Variants in FGF12 observed in about 807,000 individuals in gnomAD.
FGF12 encodes fibroblast growth factor 12.
FGF12 carries 14 observed loss-of-function variants against 23.6 expected under a neutral mutation model. The observed-to-expected ratio is 0.59, with a 90% CI of 0.39 to 0.93. The LOEUF (loss-of-function observed/expected upper bound fraction) is 0.93, where lower values mean the gene tolerates loss of function less well. Among genes scored for constraint, FGF12 ranks in the 40% least tolerant of loss-of-function variants. FGF12 has a pLI of 0.00. For missense variants in FGF12, 175 were observed against 217.8 expected, an observed-to-expected ratio of 0.80 and a Z score of 1.24; for synonymous variants, 62 against 77.3, an observed-to-expected ratio of 0.80 and a Z score of 1.04.
At chr3:192,649,984 T>C (rs1352821024) in intron 2 of FGF12, among the ~76,000 whole-genome samples, 1 of 152,246 alleles carries the variant, frequency 6.6e-6, no homozygotes, top group East Asian at 1.9e-4. Context: ...AAGTTGGTTT[T>C]GAAGGAAATG....
intron 3 of FGF12, among the ~76,000 whole-genome samples, chr3:192,345,144 A>G (rs968011710): frequency 6.6e-6 from 1 of 152,212 alleles, no homozygotes; most frequent in African/African-American, 2.4e-5. Context: ...CATCACATAT[A>G]TTCCAGACAT....
intron 4 of FGF12, among the ~76,000 whole-genome samples, chr3:192,204,902 AAAAGAAAGTAAGAAAG>A (rs1178614261): frequency 6.6e-6 from 1 of 152,138 alleles, no homozygotes; most frequent in African/African-American, 2.4e-5. Context: ...AAGAGAAAAA[AAAAGAAAGTAAGAAAG>A]AAAGAAAGAA....
chr3:192,631,363 G>A (rs1038456523), intron 2 of FGF12, among the ~76,000 whole-genome samples: 3 of 152,158 alleles, frequency 2.0e-5, no homozygotes, highest in Non-Finnish European at 4.4e-5. Context: ...CCAACTACTG[G>A]AACGTAATGT....
intron 2 of FGF12, among the ~76,000 whole-genome samples, chr3:192,663,763 T>C (rs1291647812): frequency 6.6e-6 from 1 of 151,896 alleles, no homozygotes; most frequent in African/African-American, 2.4e-5. Context: ...AATCAATATA[T>C]ATTTTTGGCA....
intron 4 of FGF12, among the ~76,000 whole-genome samples, chr3:192,261,719 T>C (rs1382537678): frequency 6.6e-6 from 1 of 152,194 alleles, no homozygotes; most frequent in East Asian, 1.9e-4. Context: ...TGGTTACAAA[T>C]AGATGAGTTT....
chr3:192,243,415 G>T (rs1282348017), intron 4 of FGF12, among the ~76,000 whole-genome samples: 1 of 151,736 alleles, frequency 6.6e-6, no homozygotes, highest in Non-Finnish European at 1.5e-5. Context: ...GAACAGCCTG[G>T]GTAGTACAGA....
At chr3:192,649,736 T>C (rs1317071919) in intron 2 of FGF12, among the ~76,000 whole-genome samples, 1 of 151,742 alleles carries the variant, frequency 6.6e-6, no homozygotes, top group Non-Finnish European at 1.5e-5. Context: ...TTTTTTTTTA[T>C]TTTTTGTGGA....
At chr3:192,170,706 G>C (rs776539258) in intron 4 of FGF12, 50 bp from the exon 5 acceptor site, 1 of 1,486,740 alleles carries the variant, frequency 6.7e-7, no homozygotes, top group South Asian at 1.2e-5. Flanking sequence ...ATTTAAAGGT[G>C]AATCAGCAAA....
rs1560200859 is a variant in FGF12, at chr3:192,229,166, T to TA, written c.229-58511_229-58510insT. On this transcript the variant is annotated intron_variant, in intron 4 of 5. Coordinates refer to ENST00000445105, the MANE Select transcript of FGF12 (RefSeq NM_004113.6). ...TTTATGGATCTAAGTGAATAAAATT[T>TA]TAAAAAAAAAAACCTGAGTTCTTGG... is the stretch of plus-strand genomic sequence containing the variant. Among the ~76,000 whole-genome samples the TA allele has an allele frequency of 9.9e-3, 1,440 of 144,846 alleles. 18 individuals carry two copies. Among genetic ancestry groups the TA allele is most frequent in the African/African-American group, 0.036 (1,319 of 36,636 alleles).
intron 2 of FGF12, among the ~76,000 whole-genome samples, chr3:192,486,860 C>T (rs1417042736): frequency 6.6e-6 from 1 of 152,128 alleles, no homozygotes; most frequent in Non-Finnish European, 1.5e-5. Context: ...AGAGCCAAAA[C>T]TGTCTTAAAA....
chr3:192,427,421 G>T (rs114682371), intron 2 of FGF12, among the ~76,000 whole-genome samples: 1 of 151,416 alleles, frequency 6.6e-6, no homozygotes, highest in Admixed American at 6.6e-5. Context: ...AGTGTAAGTT[G>T]TTTAACACTT....
intron 2 of FGF12, among the ~76,000 whole-genome samples, chr3:192,691,239 T>C (rs1314347797): frequency 6.6e-6 from 1 of 152,098 alleles, no homozygotes; most frequent in Non-Finnish European, 1.5e-5. Context: ...AACACATTCT[T>C]CTTAATGGCA....
intron 4 of FGF12, among the ~76,000 whole-genome samples, chr3:192,218,597 T>G (rs1458633504): frequency 6.6e-6 from 1 of 152,104 alleles, no homozygotes; most frequent in African/African-American, 2.4e-5. Flanking sequence ...TCCTGAGGCC[T>G]CCCCAGAAGG....
intron 4 of FGF12, among the ~76,000 whole-genome samples, chr3:192,229,558 T>C (rs1007173231): frequency 6.6e-6 from 1 of 152,046 alleles, no homozygotes; most frequent in Non-Finnish European, 1.5e-5. Context: ...TGCTACCAGG[T>C]TAGAGGTCAA....
intron 2 of FGF12, among the ~76,000 whole-genome samples, chr3:192,378,119 T>TTCTC (rs1560091908): frequency 0.098 from 5,215 of 53,202 alleles, 687 homozygotes; most frequent in East Asian, 0.14. Context: ...CTTTCTCTCT[T>TTCTC]TGTTTTTTTT....
At chr3:192,661,793 G>T (rs1716681627) in intron 2 of FGF12, among the ~76,000 whole-genome samples, 1 of 152,130 alleles carries the variant, frequency 6.6e-6, no homozygotes. Flanking sequence ...ACATGTTAAG[G>T]TTCAACCTTC....
At chr3:192,249,876 C>T (rs951349279) in intron 4 of FGF12, among the ~76,000 whole-genome samples, 5 of 152,104 alleles carry the variant, frequency 3.3e-5, no homozygotes, top group Non-Finnish European at 7.4e-5. Context: ...TTTGGGGCTC[C>T]TTTCAAGCAG....
At chr3:192,259,427 A>G (rs956197254) in intron 4 of FGF12, among the ~76,000 whole-genome samples, 4 of 152,194 alleles carry the variant, frequency 2.6e-5, no homozygotes, top group Non-Finnish European at 5.9e-5. Flanking sequence ...TCCATAAAAT[A>G]GAACAAAAAA....
chr3:192,241,456 G>A (rs1429732892), intron 4 of FGF12, among the ~76,000 whole-genome samples: 2 of 151,976 alleles, frequency 1.3e-5, no homozygotes, highest in African/African-American at 4.8e-5. Context: ...CGAAATCAAG[G>A]GGATAAGAGG....
Sources: allele counts gnomAD v4.1 joint callset (sites outside exome capture counted in the v4.1 genomes callset), GRCh38; gene constraint gnomAD v4.1.1; transcripts MANE v1.5; gene names NCBI Gene and HGNC (gene_info 2026-07-23, HGNC 2026-07-21).